The following DYM variants were observed in gnomAD, a reference collection of about 807,000 sequenced individuals.
DYM encodes the protein dyggve-Melchior-Clausen syndrome protein.
DYM carries 78 observed loss-of-function variants against 93.1 expected under a neutral mutation model. The ratio of observed to expected loss-of-function variants is 0.84; its 90% CI spans 0.70 to 1.01. The LOEUF (loss-of-function observed/expected upper bound fraction) is 1.01, where lower values mean the gene tolerates loss of function less well. Ranked by LOEUF, DYM falls within the 50% of genes least tolerant of loss-of-function variation. The pLI, the probability that DYM is intolerant of heterozygous loss-of-function variation, is 0.00. For synonymous variants in DYM, 321 were observed against 319.7 expected, an observed-to-expected ratio of 1.00 and a Z score of -0.04; for missense variants, 789 against 845.0, an observed-to-expected ratio of 0.93 and a Z score of 0.82.
At chr18:49,390,425 A>G (rs1043619230) in intron 3 of DYM, among the ~76,000 whole-genome samples, 3 of 151,750 alleles carry the variant, frequency 2.0e-5, no homozygotes, top group South Asian at 2.1e-4. Context: ...GCAAGACTCT[A>G]TCTCTTTAAA....
chr18:49,131,425 A>T (rs980989788), intron 15 of DYM, among the ~76,000 whole-genome samples: 1 of 151,972 alleles, frequency 6.6e-6, no homozygotes, highest in Non-Finnish European at 1.5e-5. Context: ...GGGTTTTGCC[A>T]TGTTAGCCAG....
chr18:49,417,043 C>T lies in DYM; in HGVS notation c.140+13212G>A, dbSNP rs188192362. 1.4e-3 allele frequency among the ~76,000 whole-genome samples: 214 copies of T among 152,280 alleles called. 3 individuals are homozygous for T. The highest frequency in any genetic ancestry group is 6.6e-4 in the Non-Finnish European group (45 of 68,022). The stretch of plus-strand genomic sequence containing the variant: ...CAACCTATTACACTTGATTCCCATT[C>T]CTCTCAACACAAACTGGAAGCATTA... On this transcript the variant is annotated intron_variant, in intron 2 of 17. Coordinates refer to ENST00000675505, the MANE Select transcript of DYM (RefSeq NM_001353214.3).
At chr18:49,045,178 G>T (rs1459505456) in intron 17 of DYM, among the ~76,000 whole-genome samples, 6 of 152,192 alleles carry the variant, frequency 3.9e-5, no homozygotes, top group Admixed American at 3.9e-4. Flanking sequence ...GTCCTGGGAG[G>T]AGGAGGACGG....
chr18:49,410,191 G>A lies in DYM; in HGVS notation c.141-18546C>T, dbSNP rs180798124. Among the ~76,000 whole-genome samples, 4 of 152,000 alleles carry A rather than the reference G, an allele frequency of 2.6e-5. 1 individual carries two copies. Among genetic ancestry groups the A allele is most frequent in the Admixed American group, 2.0e-4 (3 of 15,232 alleles). ...AGCAATCCTCCCACCTCAGCCTCCC[G>A]AGTAGCCAAGACTACAGGTGTGTGC... On this transcript the variant is annotated intron_variant, in intron 2 of 17. Coordinates refer to ENST00000675505, the MANE Select transcript of DYM (RefSeq NM_001353214.3).
chr18:49,250,432 G>A (rs2094260175), intron 13 of DYM, among the ~76,000 whole-genome samples: 1 of 152,176 alleles, frequency 6.6e-6, no homozygotes, highest in Admixed American at 6.5e-5. Flanking sequence ...CTAACATGTA[G>A]CTTTCTCCTT....
Position 49,129,670 on chromosome 18 carries a change from T to A in DYM, c.1729-10744A>T, listed in dbSNP as rs570288506. Among the ~76,000 whole-genome samples the A allele has an allele frequency of 3.9e-5, 6 of 152,310 alleles. No individual in the cohort carries two copies. The South Asian group carries it at 1.2e-3, about 32-fold the overall frequency. On this transcript the variant is annotated intron_variant, in intron 15 of 17. Coordinates refer to ENST00000675505, the MANE Select transcript of DYM (RefSeq NM_001353214.3). Reference sequence around the variant, plus strand: ...CTCACTATCCTCTACTAGGTGCTCATGAGAAAGGCTGGTATGGAGCAGGCG... The same window carrying A: ...CTCACTATCCTCTACTAGGTGCTCAAGAGAAAGGCTGGTATGGAGCAGGCG...
chr18:49,198,950 T>A (rs1471539850), intron 14 of DYM, among the ~76,000 whole-genome samples: 1 of 152,058 alleles, frequency 6.6e-6, no homozygotes, highest in Non-Finnish European at 1.5e-5. Context: ...GCAGCACTAT[T>A]CACAATAGCA....
chr18:49,276,697 A>C (rs1480695928), intron 10 of DYM, among the ~76,000 whole-genome samples: 1 of 152,196 alleles, frequency 6.6e-6, no homozygotes, highest in African/African-American at 2.4e-5. Context: ...CAAAATTATA[A>C]AGTGTCTTGT....
intron 14 of DYM, among the ~76,000 whole-genome samples, chr18:49,200,027 C>T (rs951718653): frequency 2.6e-5 from 4 of 151,872 alleles, no homozygotes; most frequent in Admixed American, 2.6e-4. Context: ...TATGAAAGTT[C>T]TAAAATAAAC....
At chr18:49,349,786 T>C (rs113189740) in intron 6 of DYM, among the ~76,000 whole-genome samples, 1,535 of 152,066 alleles carry the variant, frequency 0.01, 42 homozygotes, top group South Asian at 0.076. Context: ...CAAGACCTCA[T>C]CTCTACTAAA....
intron 17 of DYM, among the ~76,000 whole-genome samples, chr18:49,087,612 A>G (rs1420367208): frequency 6.6e-6 from 1 of 152,238 alleles, no homozygotes; most frequent in Non-Finnish European, 1.5e-5. Context: ...AGCATGATTT[A>G]TAATGCTTTG....
intron 15 of DYM, among the ~76,000 whole-genome samples, chr18:49,125,447 A>C (rs1224711427): frequency 1.3e-5 from 2 of 152,152 alleles, no homozygotes; most frequent in African/African-American, 4.8e-5. Context: ...CATTGGCTGG[A>C]TGTCAGTGGT....
intron 13 of DYM, among the ~76,000 whole-genome samples, chr18:49,237,171 G>A (rs1243228884): frequency 2.0e-5 from 3 of 152,068 alleles, no homozygotes; most frequent in Admixed American, 2.0e-4. Flanking sequence ...TCACACGGCT[G>A]GCAAGAAATG....
intron 15 of DYM, among the ~76,000 whole-genome samples, chr18:49,123,212 G>T (rs940427756): frequency 2.6e-5 from 4 of 152,032 alleles, no homozygotes; most frequent in African/African-American, 7.2e-5. Context: ...ATTTCCGCAT[G>T]TATTTTGTTA....
intron 17 of DYM, among the ~76,000 whole-genome samples, chr18:49,080,563 C>T (rs1412897351): frequency 4.2e-5 from 6 of 141,380 alleles, no homozygotes; most frequent in South Asian, 2.3e-4. Context: ...CCTCACCTCC[C>T]GGACGGGGCG....
intron 1 of DYM, among the ~76,000 whole-genome samples, chr18:49,434,074 G>A (rs772798553): frequency 2.0e-5 from 3 of 152,052 alleles, no homozygotes; most frequent in Non-Finnish European, 2.9e-5. Flanking sequence ...GGCTGGGCGC[G>A]GTGGCTCACG....
At chr18:49,385,709 A>T (rs905265630) in intron 3 of DYM, among the ~76,000 whole-genome samples, 5 of 152,048 alleles carry the variant, frequency 3.3e-5, no homozygotes, top group Non-Finnish European at 7.4e-5. Context: ...AAAAAAAAGA[A>T]ATCTGATCCA....
intron 14 of DYM, among the ~76,000 whole-genome samples, chr18:49,194,991 C>T (rs2091313274): frequency 6.6e-6 from 1 of 152,072 alleles, no homozygotes; most frequent in East Asian, 1.9e-4. Context: ...GCTAGGACTA[C>T]TCTATTTTCA....
At chr18:49,186,249 C>T (rs2090423368) in intron 14 of DYM, among the ~76,000 whole-genome samples, 1 of 152,160 alleles carries the variant, frequency 6.6e-6, no homozygotes, top group Admixed American at 6.5e-5. Context: ...TACTGAACTG[C>T]TAGCATTCTC....
Sources: gnomAD v4.1 joint callset for allele counts (sites outside exome capture counted in the v4.1 genomes callset) on GRCh38, gnomAD v4.1.1 for gene constraint, MANE v1.5 for transcripts, NCBI Gene and HGNC (gene_info 2026-07-23, HGNC 2026-07-21) for gene names.